UGT1A7: variants seen among roughly 807,000 people sequenced by gnomAD.
UGT1A7 encodes the protein UDP glucuronosyltransferase family 1 member A7, also known as UDP-glucuronosyltransferase 1A7.
UGT1A7 carries 33 observed loss-of-function variants against 45.6 expected under a neutral mutation model. That is an observed-to-expected ratio of 0.72 (90% CI 0.55 to 0.97). The LOEUF is 0.97. Among genes scored for constraint, UGT1A7 ranks in the 50% least tolerant of loss-of-function variants. UGT1A7 has a pLI of 0.00. For missense variants in UGT1A7, 684 were observed against 666.2 expected, an observed-to-expected ratio of 1.03 and a Z score of -0.29; for synonymous variants, 274 against 250.6, an observed-to-expected ratio of 1.09 and a Z score of -0.88.
In UGT1A7 at chr2:233,772,906, C is replaced by G; in HGVS notation, c.*347C>G. ...TTCAAAGGTGGTCCCACGGCTGCCCCTACTGCAAATGGCAGTTTTAATCTT... is the reference window on the plus strand; with the variant it reads ...TTCAAAGGTGGTCCCACGGCTGCCCGTACTGCAAATGGCAGTTTTAATCTT... On this transcript the variant is annotated 3_prime_UTR_variant, in exon 5 of 5. Coordinates refer to ENST00000373426, the MANE Select transcript of UGT1A7 (RefSeq NM_019077.3). 1 of 412,406 alleles carries G rather than the reference C, an allele frequency of 2.4e-6. No homozygotes were observed. The highest frequency in any genetic ancestry group is 2.8e-5 in the South Asian group (1 of 36,156). The allele number at this position is 412,406 out of a possible 1,614,324, so 25.5% of individuals were successfully genotyped here. A position where few individuals can be genotyped will look rare whatever the true frequency, so the allele number is the denominator to read the frequency against.
chr2:233,682,245 G>A lies in UGT1A7; in HGVS notation c.308G>A (p.Arg103Gln), dbSNP rs1291217624. The change falls in exon 1 of 5, where the codon CGA becomes CAA. Residue 103 changes from arginine to glutamine, a missense_variant. Arg to Gln is a conservative substitution (Grantham distance 43, BLOSUM62 1). Transcript: ENST00000373426. ...GATGCTCGCTGGACGGCACCATTGC[G>A]AAGTGCATTTTCTCTATTAACAAGT... The part of the protein sequence containing the change: ...FADARWTAPL[R>Q]SAFSLLTSSS... 2.5e-6 allele frequency: 4 copies of A among 1,614,104 alleles called. No individual in the cohort carries two copies. Among genetic ancestry groups the A allele is most frequent in the Non-Finnish European group, 3.4e-6 (4 of 1,180,046 alleles).
intron 1 of UGT1A7, among the ~76,000 whole-genome samples, chr2:233,696,006 C>T (rs2075317291): frequency 6.6e-6 from 1 of 152,064 alleles, no homozygotes; most frequent in Admixed American, 6.6e-5. Flanking sequence ...AGCATCAGGT[C>T]CCACAGACAT....
At chr2:233,717,364 C>T (rs888449503) in intron 1 of UGT1A7, among the ~76,000 whole-genome samples, 1 of 152,218 alleles carries the variant, frequency 6.6e-6, no homozygotes. Flanking sequence ...GGGGAGTTCT[C>T]AAGCCCTTAC....
chr2:233,691,255 A>G (rs1259562187), intron 1 of UGT1A7: 7 of 985,578 alleles, frequency 7.1e-6, no homozygotes, highest in Non-Finnish European at 8.4e-6. Context: ...AACTCAAAGC[A>G]AGATGCTGCC....
chr2:233,743,705 G>T (rs756391897), intron 1 of UGT1A7: 2 of 1,367,306 alleles, frequency 1.5e-6, no homozygotes, highest in Non-Finnish European at 9.8e-7. Context: ...CTCCGCCCCC[G>T]CCTCGCCATA....
At chr2:233,701,728 C>G (rs1007871533) in intron 1 of UGT1A7, among the ~76,000 whole-genome samples, 2 of 152,192 alleles carry the variant, frequency 1.3e-5, no homozygotes, top group Non-Finnish European at 2.9e-5. Context: ...ACTGAACAAC[C>G]TGCTCCTGAA....
intron 1 of UGT1A7, among the ~76,000 whole-genome samples, chr2:233,762,541 G>A (rs1437791654): frequency 6.6e-6 from 1 of 152,290 alleles, no homozygotes; most frequent in African/African-American, 2.4e-5. Flanking sequence ...GTGTACCACA[G>A]TGTATTCTGC....
chr2:233,705,447 A>C (rs1211589055), intron 1 of UGT1A7, among the ~76,000 whole-genome samples: 1 of 152,206 alleles, frequency 6.6e-6, no homozygotes, highest in Admixed American at 6.5e-5. Context: ...TCAGAATTGC[A>C]CATATTTTTT....
rs565737138 is a variant in UGT1A7 at position 233,740,144 on chromosome 2, C to T, written c.856-26890C>T. 2.0e-5 allele frequency among the ~76,000 whole-genome samples: 3 copies of T among 151,952 alleles called. No individual in the cohort carries two copies. The South Asian group carries it at 6.2e-4, about 31-fold the overall frequency. On this transcript the variant is annotated intron_variant, in intron 1 of 4. Coordinates refer to ENST00000373426, the MANE Select transcript of UGT1A7 (RefSeq NM_019077.3). Reference sequence around the variant, plus strand: ...ACCTTCTGTCATGATTGTAAGTTTCCTGAGGCCTCCCCAGTCATGTGGAAC... The same window carrying T: ...ACCTTCTGTCATGATTGTAAGTTTCTTGAGGCCTCCCCAGTCATGTGGAAC...
intron 1 of UGT1A7, chr2:233,748,051 A>C: frequency 6.2e-7 from 1 of 1,613,438 alleles, no homozygotes. Context: ...GGGGGCATCA[A>C]CTGTGCCAAC....
intron 1 of UGT1A7, among the ~76,000 whole-genome samples, chr2:233,719,941 G>A (rs958273731): frequency 6.6e-6 from 1 of 152,192 alleles, no homozygotes; most frequent in African/African-American, 2.4e-5. Flanking sequence ...TGTTTGTAAA[G>A]GCACCATCTT....
At chr2:233,722,501 C>T (rs767685172) in intron 1 of UGT1A7, among the ~76,000 whole-genome samples, 36 of 152,106 alleles carry the variant, frequency 2.4e-4, no homozygotes, top group Non-Finnish European at 3.8e-4. Context: ...TTTTCCGTTT[C>T]GTTAATTGCA....
rs927905587 is a variant in UGT1A7 at position 233,772,883 on chromosome 2, C to G, written c.*324C>G. The G allele has an allele frequency of 7.2e-6, 4 of 557,122 alleles. No homozygotes were observed. Among genetic ancestry groups the G allele is most frequent in the Admixed American group, 7.5e-5 (2 of 26,828 alleles). 34.5% of individuals were successfully genotyped at this position (557,122 alleles called of 1,614,324 possible). Reference sequence around the variant, plus strand: ...ATGGCCTGTTTGGGAGTGCGGGATTCAAAGGTGGTCCCACGGCTGCCCCTA... The same window carrying G: ...ATGGCCTGTTTGGGAGTGCGGGATTGAAAGGTGGTCCCACGGCTGCCCCTA... On this transcript the variant is annotated 3_prime_UTR_variant, in exon 5 of 5. Transcript: ENST00000373426.
chr2:233,714,710 CT>C (rs1032824553), intron 1 of UGT1A7, among the ~76,000 whole-genome samples: 9 of 152,108 alleles, frequency 5.9e-5, no homozygotes, highest in African/African-American at 1.4e-4. Context: ...TTTAACGTAG[CT>C]TTTTTTGTTG....
At chr2:233,712,198 C>T (rs1297266940) in intron 1 of UGT1A7, among the ~76,000 whole-genome samples, 1 of 152,186 alleles carries the variant, frequency 6.6e-6, no homozygotes, top group Non-Finnish European at 1.5e-5. Flanking sequence ...TCCCCCGGTC[C>T]CTTGGTGAGC....
chr2:233,692,438 A>G (rs1311287239), intron 1 of UGT1A7: 1 of 155,598 alleles, frequency 6.4e-6, no homozygotes, highest in Non-Finnish European at 1.4e-5. Flanking sequence ...AGTTGTGGGT[A>G]ACCTGGGGAC....
chr2:233,723,516 CTTTTTTTTT>C (rs1162916866), intron 1 of UGT1A7, among the ~76,000 whole-genome samples: 2 of 85,406 alleles, frequency 2.3e-5, no homozygotes, highest in East Asian at 3.2e-4. Context: ...GGTCAACAAT[CTTTTTTTTT>C]TTTTTTTTTT....
intron 1 of UGT1A7, among the ~76,000 whole-genome samples, chr2:233,749,711 T>C (rs748201511): frequency 2.6e-5 from 4 of 151,836 alleles, no homozygotes; most frequent in African/African-American, 4.9e-5. Flanking sequence ...GATTGGATCA[T>C]GGGGGCAGTT....
chr2:233,719,132 A>C (rs373602050), intron 1 of UGT1A7: 15 of 1,614,240 alleles, frequency 9.3e-6, no homozygotes, highest in African/African-American at 1.3e-5. Flanking sequence ...TTGAAACAGA[A>C]CATCTTCTGA....
Sources: allele counts gnomAD v4.1 joint callset (sites outside exome capture counted in the v4.1 genomes callset), GRCh38; gene constraint gnomAD v4.1.1; transcripts MANE v1.5; gene names NCBI Gene and HGNC (gene_info 2026-07-23, HGNC 2026-07-21).